INPP5D: variants seen among roughly 807,000 people sequenced by gnomAD.
INPP5D encodes the protein phosphatidylinositol 3,4,5-trisphosphate 5-phosphatase 1.
INPP5D carries 33 observed loss-of-function variants against 122.9 expected under a neutral mutation model. That is an observed-to-expected ratio of 0.27 (90% CI 0.20 to 0.36). INPP5D has a LOEUF of 0.36. INPP5D is among the 10% of genes least tolerant of loss of function. The pLI is 1.00. For synonymous variants in INPP5D, 584 were observed against 576.2 expected (o/e 1.01, Z -0.19); for missense variants, 1,053 against 1,412.7 (o/e 0.75, Z 4.08).
chr2:233,096,696 T>G (rs1455178002), intron 2 of INPP5D, among the ~76,000 whole-genome samples: 1 of 152,158 alleles, frequency 6.6e-6, no homozygotes, highest in East Asian at 1.9e-4. Context: ...CATTCACCAT[T>G]TGTGTTTCTT....
At chr2:233,079,141 G>A (rs992568429) in intron 1 of INPP5D, among the ~76,000 whole-genome samples, 194 bp from the exon 2 acceptor site, 2 of 152,042 alleles carry the variant, frequency 1.3e-5, no homozygotes, top group African/African-American at 2.4e-5. Context: ...AGAAGCAGTG[G>A]GGGAATAAGA....
Position 233,128,636 on chromosome 2 carries a change from C to T in INPP5D, c.525-1872C>T, listed in dbSNP as rs1693235133. ...GGGACTACAAACGCACGCCACCACG[C>T]CCAGCTAATTTTTGTATTTTTAGTA... On this transcript the variant is annotated intron_variant, in intron 4 of 26. Coordinates refer to ENST00000445964, the MANE Select transcript of INPP5D (RefSeq NM_001017915.3). This position sits in a 1 kb window ranked among gnomAD's most constrained non-coding sequence, Gnocchi z 4.5. Among the ~76,000 whole-genome samples, 1 of 152,132 alleles carries T rather than the reference C, an allele frequency of 6.6e-6. No homozygotes were observed. The highest frequency in any genetic ancestry group is 1.5e-5 in the Non-Finnish European group (1 of 68,034).
At chr2:233,099,594 G>A (rs1692245988) in intron 2 of INPP5D, among the ~76,000 whole-genome samples, 1 of 152,198 alleles carries the variant, frequency 6.6e-6, no homozygotes, top group Admixed American at 6.5e-5. Flanking sequence ...TCAGATTAAA[G>A]ATCACAATCT....
chr2:233,099,574 C>A (rs1030282727), intron 2 of INPP5D, among the ~76,000 whole-genome samples: 1 of 152,210 alleles, frequency 6.6e-6, no homozygotes, highest in Admixed American at 6.5e-5. Context: ...TTTATGGAAA[C>A]CTATAGATAT....
At chr2:233,129,009 T>C (rs1693245067) in intron 4 of INPP5D, among the ~76,000 whole-genome samples, 1 of 152,042 alleles carries the variant, frequency 6.6e-6, no homozygotes, top group Non-Finnish European at 1.5e-5. Context: ...CTACTAAAAA[T>C]ACAAACATTA....
rs1409941167 is a variant in INPP5D, at chr2:233,177,223, T to C, written c.1990-42T>C. 2 of 1,612,032 alleles carry C rather than the reference T, an allele frequency of 1.2e-6. No individual in the cohort carries two copies. Among genetic ancestry groups the C allele is most frequent in the East Asian group, 4.5e-5 (2 of 44,832 alleles). On this transcript the variant is annotated intron_variant, in intron 17 of 26. Coordinates refer to ENST00000445964, the MANE Select transcript of INPP5D (RefSeq NM_001017915.3). This position sits in a 1 kb window ranked among gnomAD's most constrained non-coding sequence, Gnocchi z 4.2. ...GTTCTTTTACTGATTAAAAAAATAATAATAAGAGGCATTTTTTAAAGCCTA... is the reference window on the plus strand; with the variant it reads ...GTTCTTTTACTGATTAAAAAAATAACAATAAGAGGCATTTTTTAAAGCCTA...
rs191734699 is a variant in INPP5D at position 233,079,487 on chromosome 2, G to A, written c.198+89G>A. Reference sequence around the variant, plus strand: ...GTAAACGATGAGGAAGGAAGTGCACGCGCAGGTAGCCGGACGTGAAGGCCT... The same window carrying A: ...GTAAACGATGAGGAAGGAAGTGCACACGCAGGTAGCCGGACGTGAAGGCCT... On this transcript the variant is annotated intron_variant, in intron 2 of 26. Coordinates refer to ENST00000445964, the MANE Select transcript of INPP5D (RefSeq NM_001017915.3). The A allele has an allele frequency of 2.9e-5, 25 of 863,802 alleles. No individual in the cohort carries two copies. In the African/African-American group the frequency reaches 3.3e-4, roughly 11 times the overall value. The allele number at this position is 863,802 out of a possible 1,614,324, so 53.5% of individuals were successfully genotyped here.
intron 11 of INPP5D, among the ~76,000 whole-genome samples, chr2:233,162,504 CAT>C (rs1451851955): frequency 6.9e-5 from 9 of 129,818 alleles, no homozygotes; most frequent in Non-Finnish European, 1.5e-4. Context: ...TTGTATTAAA[CAT>C]ATATATTGTG....
chr2:233,078,263 C>G lies in INPP5D; in HGVS notation c.135-1072C>G, dbSNP rs1284127167. Among the ~76,000 whole-genome samples, 1 of 152,184 alleles carries G rather than the reference C, an allele frequency of 6.6e-6. No homozygotes were observed. The highest frequency in any genetic ancestry group is 1.5e-5 in the Non-Finnish European group (1 of 68,042). ...CCCAAGGTGCTAGCACTTGACAGCCCCCTTTTCCTCTCACAGGTTTTAGGA... is the reference window on the plus strand; with the variant it reads ...CCCAAGGTGCTAGCACTTGACAGCCGCCTTTTCCTCTCACAGGTTTTAGGA... On this transcript the variant is annotated intron_variant, in intron 1 of 26. Transcript: ENST00000445964. This position sits in a 1 kb window ranked among gnomAD's most constrained non-coding sequence, Gnocchi z 4.6.
rs1446067164 is a variant in INPP5D, at chr2:233,164,894, T to C, written c.1555+470T>C. On this transcript the variant is annotated intron_variant, in intron 13 of 26. Transcript: ENST00000445964. This position sits in a 1 kb window ranked among gnomAD's most constrained non-coding sequence, Gnocchi z 4.3. ...AGCCATAGGCAACCCAGAAAGCGAATGGGAGTGACTGTGTTACCAGTGAGA... is the reference window on the plus strand; with the variant it reads ...AGCCATAGGCAACCCAGAAAGCGAACGGGAGTGACTGTGTTACCAGTGAGA... 6.9e-6 allele frequency among the ~76,000 whole-genome samples: 1 copy of C among 144,206 alleles called. No homozygotes were observed. Among genetic ancestry groups the C allele is most frequent in the African/African-American group, 2.5e-5 (1 of 39,358 alleles). The allele number at this position is 144,206 out of a possible 152,430, so 94.6% of individuals were successfully genotyped here. A position where few individuals can be genotyped will look rare whatever the true frequency, so the allele number is the denominator to read the frequency against.
chr2:233,189,856 C>T lies in INPP5D; in HGVS notation c.2365C>T (p.Pro789Ser), dbSNP rs1695006708. 1 of 1,613,256 alleles carries T rather than the reference C, an allele frequency of 6.2e-7. No homozygotes were observed. The highest frequency in any genetic ancestry group is 8.5e-7 in the Non-Finnish European group (1 of 1,179,514). Residue 789 changes from proline to serine, a missense_variant, in exon 22 of 27, where the codon CCC becomes TCC. Around this residue, in one of 6 missense-constraint regions of INPP5D, gnomAD observed 258 missense variants for 439.1 expected, o/e 0.59. Transcript: ENST00000445964. This position sits in a 1 kb window ranked among gnomAD's most constrained non-coding sequence, Gnocchi z 5.6. ...KFGETLPKLK[P>S]IISDPEYLLD... is the part of the protein sequence containing the mutation. Reference sequence around the variant, plus strand: ...TGTGCCCTTCTCTCTGCAGCTGAAGCCCATTATCTCTGACCCTGAGTACCT... The same window carrying T: ...TGTGCCCTTCTCTCTGCAGCTGAAGTCCATTATCTCTGACCCTGAGTACCT...
In INPP5D at chr2:233,093,760, C is replaced by T. The variant is rs562765909; in HGVS notation, c.198+14362C>T. ...ATTTGTTAGAGATGGTAGAGATGGA[C>T]AGTCTTCAATTTTGGGGTGAAAAGA... On this transcript the variant is annotated intron_variant, in intron 2 of 26. Transcript: ENST00000445964. 4.2e-4 allele frequency among the ~76,000 whole-genome samples: 64 copies of T among 151,774 alleles called. 1 individual carries two copies. The South Asian group carries it at 0.013, about 32-fold the overall frequency.
intron 25 of INPP5D, among the ~76,000 whole-genome samples, chr2:233,200,498 G>A (rs2106327682): frequency 6.6e-6 from 1 of 152,238 alleles, no homozygotes; most frequent in East Asian, 1.9e-4. Context: ...ATGAGGACTT[G>A]CGTGCTGTCC....
In INPP5D at chr2:233,164,396, C is replaced by T. The variant is rs1319021267; in HGVS notation, c.1527C>T (p.Asn509=). The change falls in exon 13 of 27, where the codon AAC becomes AAT. Residue 509 remains asparagine (N), a synonymous_variant. Transcript: ENST00000445964. The surrounding 1 kb of genome is among the most constrained non-coding windows in gnomAD (Gnocchi z 4.3). ...ENRISHICTD[N]VKTGIANTLG... ...GGATCAGCCACATCTGTACTGACAA[C>T]GTGAAGACAGGCATTGCAAACACAC... The T allele has an allele frequency of 9.7e-6, 15 of 1,552,128 alleles. No individual in the cohort carries two copies. The East Asian group carries it at 9.7e-5, about 10-fold the overall frequency.
intron 2 of INPP5D, among the ~76,000 whole-genome samples, chr2:233,101,949 G>A (rs534993219): frequency 6.6e-5 from 10 of 151,980 alleles, no homozygotes; most frequent in Non-Finnish European, 1.5e-4. Context: ...CTGAGAAATG[G>A]GAGTTGCTGG....
intron 1 of INPP5D, among the ~76,000 whole-genome samples, chr2:233,062,091 G>A (rs1331093563): frequency 6.6e-6 from 1 of 152,248 alleles, no homozygotes; most frequent in African/African-American, 2.4e-5. Context: ...GGCCTTAGAA[G>A]GAGCAGGAAG....
chr2:233,162,434 CTAAG>C (rs1268050408), intron 11 of INPP5D, among the ~76,000 whole-genome samples: 9 of 97,098 alleles, frequency 9.3e-5, no homozygotes. Context: ...ATGAATTATA[CTAAG>C]TAATATTAGT....
rs189068176 is a variant in INPP5D, at chr2:233,063,181, C to G, written c.134+2569C>G. Among the ~76,000 whole-genome samples, 43 of 152,330 alleles carry G rather than the reference C, an allele frequency of 2.8e-4. 1 individual carries two copies. The East Asian group carries it at 7.7e-3, about 27-fold the overall frequency. On this transcript the variant is annotated intron_variant, in intron 1 of 26. Coordinates refer to ENST00000445964, the MANE Select transcript of INPP5D (RefSeq NM_001017915.3). ...CTGCAGAAGTAGCAGGCTTTGCCCC[C>G]CTAGCCCTGGAAGCCTGGAGCCACC...
At chr2:233,063,819 G>T (rs1449005162) in intron 1 of INPP5D, among the ~76,000 whole-genome samples, 2 of 152,236 alleles carry the variant, frequency 1.3e-5, no homozygotes, top group Non-Finnish European at 2.9e-5. Flanking sequence ...AGCCTATGTT[G>T]TCCCCACCTG....
Sources: allele counts gnomAD v4.1 joint callset (sites outside exome capture counted in the v4.1 genomes callset), GRCh38; gene constraint gnomAD v4.1.1; regional missense constraint gnomAD v4.1.1; non-coding constraint Gnocchi (gnomAD v3.1); transcripts MANE v1.5; gene names NCBI Gene and HGNC (gene_info 2026-07-23, HGNC 2026-07-21).